Variants in PACRG observed in about 807,000 individuals in gnomAD.
PACRG encodes the protein parkin coregulated gene protein.
A neutral mutation model predicts 29.7 loss-of-function variants in PACRG; 29 were observed. The ratio of observed to expected loss-of-function variants is 0.98; its 90% CI spans 0.73 to 1.33. The LOEUF is 1.33. Among genes scored for constraint, PACRG ranks in the 40% most tolerant of loss-of-function variants. PACRG has a pLI of 0.00. For missense variants in PACRG, 279 were observed against 316.2 expected (o/e 0.88, Z 0.89); for synonymous variants, 116 against 118.7 (o/e 0.98, Z 0.15).
At position 163,298,705 on chromosome 6, in the gene PACRG, C is replaced by G. The variant is rs374655586; in HGVS notation, c.614-16122C>G. Among the ~76,000 whole-genome samples the G allele has an allele frequency of 5.9e-5, 9 of 152,302 alleles. No homozygotes were observed. The East Asian group carries it at 1.7e-3, about 29-fold the overall frequency. Reference sequence around the variant, plus strand: ...TTCCTTCCACTCCATAGCTATTAAACAGCCATGACAAATGATAATTAGGTA... The same window carrying G: ...TTCCTTCCACTCCATAGCTATTAAAGAGCCATGACAAATGATAATTAGGTA... On this transcript the variant is annotated intron_variant, in intron 4 of 4. Transcript: ENST00000366888.
At chr6:162,851,207 G>A (rs1338960888) in intron 2 of PACRG, among the ~76,000 whole-genome samples, 2 of 152,150 alleles carry the variant, frequency 1.3e-5, no homozygotes, top group African/African-American at 4.8e-5. Flanking sequence ...GTGATTCACA[G>A]GGAGGTCCAC....
chr6:163,256,721 T>C (rs548378409), intron 4 of PACRG, among the ~76,000 whole-genome samples: 16 of 152,310 alleles, frequency 1.1e-4, no homozygotes, highest in African/African-American at 3.1e-4. Context: ...CGGCAGTTCA[T>C]GTAGAGACTT....
At chr6:163,285,175 A>C (rs1585399589) in intron 4 of PACRG, among the ~76,000 whole-genome samples, 2 of 149,564 alleles carry the variant, frequency 1.3e-5, no homozygotes, top group South Asian at 2.2e-4. Context: ...TCCCCCAGAC[A>C]CCCCTCTCCC....
chr6:163,251,245 A>G (rs1179073509), intron 4 of PACRG, among the ~76,000 whole-genome samples: 1 of 152,016 alleles, frequency 6.6e-6, no homozygotes, highest in Non-Finnish European at 1.5e-5. Context: ...CCTGTACCCC[A>G]TAACTTATTG....
At chr6:163,127,978 G>A (rs478769) in intron 4 of PACRG, among the ~76,000 whole-genome samples, 24,616 of 152,084 alleles carry the variant, frequency 0.16, 2,137 homozygotes, top group South Asian at 0.3. Flanking sequence ...TATTTTTAAA[G>A]GTATTTCTTT....
intron 2 of PACRG, among the ~76,000 whole-genome samples, chr6:162,817,362 C>T (rs1787447064): frequency 6.6e-6 from 1 of 152,236 alleles, no homozygotes; most frequent in African/African-American, 2.4e-5. Context: ...AGACAGATGT[C>T]TTTGCATGCT....
chr6:163,015,400 G>C (rs1806002127), intron 2 of PACRG, among the ~76,000 whole-genome samples: 1 of 152,160 alleles, frequency 6.6e-6, no homozygotes, highest in African/African-American at 2.4e-5. Context: ...GACATTTGTA[G>C]TTTGATAAGA....
At position 162,907,255 on chromosome 6, in the gene PACRG, G is replaced by C. The variant is rs189817907; in HGVS notation, c.291+92974G>C. Among the ~76,000 whole-genome samples the C allele has an allele frequency of 7.7e-3, 1,176 of 152,034 alleles. 8 individuals carry two copies. The highest frequency in any genetic ancestry group is 0.027 in the African/African-American group (1,113 of 41,482). ...CAGCTTTAAAATACGGCTGCTCCCT[G>C]TTCTATAGTTTAAAAATGGCTTAGA... On this transcript the variant is annotated intron_variant, in intron 2 of 4. Coordinates refer to ENST00000366888, the MANE Select transcript of PACRG (RefSeq NM_001080379.2).
At chr6:162,975,936 C>G (rs1025029822) in intron 2 of PACRG, among the ~76,000 whole-genome samples, 1 of 152,058 alleles carries the variant, frequency 6.6e-6, no homozygotes, top group Non-Finnish European at 1.5e-5. Context: ...CCTGCCCCCT[C>G]GGAATTTGCA....
intron 2 of PACRG, among the ~76,000 whole-genome samples, chr6:162,878,450 TAG>T (rs1176459389): frequency 6.6e-6 from 1 of 152,234 alleles, no homozygotes; most frequent in Non-Finnish European, 1.5e-5. Flanking sequence ...TTTACTTTTT[TAG>T]AGTGTTTGAT....
intron 2 of PACRG, among the ~76,000 whole-genome samples, chr6:162,936,691 C>A (rs183894961): frequency 1.3e-5 from 2 of 152,046 alleles, no homozygotes; most frequent in East Asian, 3.9e-4. Context: ...GTTAAGCATG[C>A]ATTCTAAATA....
In PACRG at chr6:163,091,381, C is replaced by T. The variant is rs60817745; in HGVS notation, c.613+1973C>T. 3.6e-3 allele frequency among the ~76,000 whole-genome samples: 542 copies of T among 152,316 alleles called. 12 individuals carry two copies. The East Asian group carries it at 0.065, about 18-fold the overall frequency. ...TACACTTAACAAAGAAAATTATTGA[C>T]TTTAAGAATAAATCCCTAGTAAGAT... is the stretch of plus-strand genomic sequence containing the variant. On this transcript the variant is annotated intron_variant, in intron 4 of 4. Coordinates refer to ENST00000366888, the MANE Select transcript of PACRG (RefSeq NM_001080379.2).
At chr6:162,734,945 T>A (rs1780050342) in intron 1 of PACRG, among the ~76,000 whole-genome samples, 1 of 152,212 alleles carries the variant, frequency 6.6e-6, no homozygotes, top group Non-Finnish European at 1.5e-5. Context: ...GCCAACAGAC[T>A]AGTTTCACCT....
rs138550387 is a variant in PACRG at position 163,058,790 on chromosome 6, C to G, written c.292-3360C>G. 8.3e-3 allele frequency among the ~76,000 whole-genome samples: 1,262 copies of G among 152,290 alleles called. 18 individuals carry two copies. Among genetic ancestry groups the G allele is most frequent in the African/African-American group, 0.029 (1,217 of 41,558 alleles). ...TGGCAGGCACCTGTGGTCCCAGCTA[C>G]TCGGGAGGCTGAGGTGGGAGAATCG... On this transcript the variant is annotated intron_variant, in intron 2 of 4. Coordinates refer to ENST00000366888, the MANE Select transcript of PACRG (RefSeq NM_001080379.2).
At chr6:162,852,005 G>GGAAGGAAGGAAGGAA (rs1562663902) in intron 2 of PACRG, among the ~76,000 whole-genome samples, 4 of 116,106 alleles carry the variant, frequency 3.4e-5, no homozygotes, top group African/African-American at 1.0e-4. Context: ...GGGAGGGAGG[G>GGAAGGAAGGAAGGAA]AGGAAGGAAG....
At chr6:162,975,256 C>A (rs764345341) in intron 2 of PACRG, among the ~76,000 whole-genome samples, 7 of 152,144 alleles carry the variant, frequency 4.6e-5, no homozygotes, top group Non-Finnish European at 1.0e-4. Context: ...CTACCATGAT[C>A]TAAGCTTAAT....
chr6:163,137,532 G>A (rs1816982314), intron 4 of PACRG, among the ~76,000 whole-genome samples: 1 of 152,044 alleles, frequency 6.6e-6, no homozygotes, highest in East Asian at 1.9e-4. Flanking sequence ...ACAAGAACAG[G>A]GCGAGCTCTC....
chr6:163,150,260 A>G (rs1778024585), intron 4 of PACRG, among the ~76,000 whole-genome samples: 1 of 152,196 alleles, frequency 6.6e-6, no homozygotes. Flanking sequence ...AGGATTCAGT[A>G]CGTTATCATA....
chr6:162,922,494 A>C lies in PACRG; in HGVS notation c.291+108213A>C, dbSNP rs532975027. Among the ~76,000 whole-genome samples the C allele has an allele frequency of 7.2e-5, 11 of 152,096 alleles. No homozygotes were observed. The South Asian group carries it at 2.1e-3, about 29-fold the overall frequency. On this transcript the variant is annotated intron_variant, in intron 2 of 4. Coordinates refer to ENST00000366888, the MANE Select transcript of PACRG (RefSeq NM_001080379.2). ...ATAAATTATTGTGAATTCACCCTGC[A>C]GTGCAGTGGAACATATTCCTCCTAT...
Sources: gnomAD v4.1 joint callset for allele counts (sites outside exome capture counted in the v4.1 genomes callset) on GRCh38, gnomAD v4.1.1 for gene constraint, MANE v1.5 for transcripts, NCBI Gene and HGNC (gene_info 2026-07-23, HGNC 2026-07-21) for gene names.